The following UBQLN1 variants were observed in gnomAD, a reference collection of about 807,000 sequenced individuals.
UBQLN1 encodes ubiquilin 1, also known as ubiquilin-1.
UBQLN1 carries 13 observed loss-of-function variants against 65.4 expected under a neutral mutation model. The ratio of observed to expected loss-of-function variants is 0.20; its 90% CI spans 0.13 to 0.32. The LOEUF (loss-of-function observed/expected upper bound fraction) is 0.32. Ranked by LOEUF, UBQLN1 falls within the 10% of genes least tolerant of loss-of-function variation. The pLI is 1.00. For synonymous variants in UBQLN1, 267 were observed against 247.8 expected, an observed-to-expected ratio of 1.08 and a Z score of -0.73; for missense variants, 561 against 724.0, an observed-to-expected ratio of 0.77 and a Z score of 2.58.
intron 6 of UBQLN1, among the ~76,000 whole-genome samples, chr9:83,671,672 T>C (rs1831734233): frequency 6.6e-6 from 1 of 151,798 alleles, no homozygotes; most frequent in African/African-American, 2.4e-5. Flanking sequence ...CTTTTTTTCT[T>C]TTTTTCTTTT....
At chr9:83,666,589 C>G in intron 7 of UBQLN1, 156 bp from the exon 8 acceptor site, 1 of 595,196 alleles carries the variant, frequency 1.7e-6, no homozygotes, top group Non-Finnish European at 2.9e-6. Flanking sequence ...ATACTGTCCA[C>G]AAGAGGGATC....
chr9:83,663,655 T>C (rs1831598040), intron 10 of UBQLN1, among the ~76,000 whole-genome samples: 1 of 152,224 alleles, frequency 6.6e-6, no homozygotes, highest in South Asian at 2.1e-4. Context: ...GCATGTCTTC[T>C]CTACAACCGT....
chr9:83,664,341 C>T lies in UBQLN1; in HGVS notation c.1449-298G>A, dbSNP rs377434862. On this transcript the variant is annotated intron_variant, in intron 9 of 10. Coordinates refer to ENST00000376395, the MANE Select transcript of UBQLN1 (RefSeq NM_013438.5). ...GGCTGAGGTAAGAGGATTGCTTTAG[C>T]CCAGGAGGTAGAGGCTGAAGTGAGC... Among the ~76,000 whole-genome samples, 7 of 152,198 alleles carry T rather than the reference C, an allele frequency of 4.6e-5. No individual in the cohort carries two copies. The South Asian group carries it at 1.5e-3, about 32-fold the overall frequency.
At chr9:83,705,032 G>A (rs1230375516) in intron 1 of UBQLN1, among the ~76,000 whole-genome samples, 1 of 152,090 alleles carries the variant, frequency 6.6e-6, no homozygotes, top group Admixed American at 6.6e-5. Flanking sequence ...CCAGGATGGT[G>A]GAGGCATGAA....
intron 4 of UBQLN1, 123 bp downstream of exon 4, chr9:83,679,651 AC>A (rs1173648277): frequency 9.2e-7 from 1 of 1,082,520 alleles, no homozygotes; most frequent in Non-Finnish European, 1.3e-6. Flanking sequence ...GTTTTCTTAA[AC>A]CAAGATAAGG....
At chr9:83,667,359 A>G (rs1343434756) in intron 7 of UBQLN1, 1 of 304,540 alleles carries the variant, frequency 3.3e-6, no homozygotes, top group Non-Finnish European at 4.8e-6. Context: ...TATCTATCCA[A>G]AGTCTGGGGA....
chr9:83,707,668 A>G lies in UBQLN1; in HGVS notation c.12T>C (p.Ser4=), dbSNP rs757234071. The change falls in exon 1 of 11, where the codon AGT becomes AGC. Residue 4 remains serine, a synonymous_variant. Coordinates refer to ENST00000376395, the MANE Select transcript of UBQLN1 (RefSeq NM_013438.5). MAE[S]GESGGPPGSQ... Reference sequence around the variant, plus strand: ...AGCCCGGAGGACCGCCGCTTTCACCACTCTCGGCCATGGCTGTGGCGGCGG... The same window carrying G: ...AGCCCGGAGGACCGCCGCTTTCACCGCTCTCGGCCATGGCTGTGGCGGCGG... The G allele has an allele frequency of 1.3e-6, 2 of 1,548,964 alleles. No homozygotes were observed. The highest frequency in any genetic ancestry group is 1.2e-5 in the South Asian group (1 of 85,070).
At position 83,683,414 on chromosome 9, in the gene UBQLN1, C is replaced by CAAAA. The variant is rs766459859; in HGVS notation, c.333-352_333-349dup. Among the ~76,000 whole-genome samples, 49 of 70,854 alleles carry CAAAA rather than the reference C, an allele frequency of 6.9e-4. 1 individual carries two copies. Among genetic ancestry groups the CAAAA allele is most frequent in the Admixed American group, 2.5e-3 (15 of 6,076 alleles). 46.5% of individuals were successfully genotyped at this position (70,854 alleles called of 152,430 possible). A position where few individuals can be genotyped will look rare whatever the true frequency, so the allele number is the denominator to read the frequency against. Reference sequence around the variant, plus strand: ...TGGGCAACAGAGCGAGACTCCGTCTCAAAAAAAAAAAAAAAAAAAAAAGAA... The same window carrying CAAAA: ...TGGGCAACAGAGCGAGACTCCGTCTCAAAAAAAAAAAAAAAAAAAAAAAAAAGAA... On this transcript the variant is annotated intron_variant, in intron 2 of 10. Transcript: ENST00000376395.
rs142002440 is a variant in UBQLN1, at chr9:83,688,861, C to CAA, written c.181-2708_181-2707dup. On this transcript the variant is annotated intron_variant, in intron 1 of 10. Transcript: ENST00000376395. ...GGGCGATGAGAGCGAAACTCCGTTT[C>CAA]AAAAAAAAAAAAAGACATGCATCTA... Among the ~76,000 whole-genome samples, 94 of 130,708 alleles carry CAA rather than the reference C, an allele frequency of 7.2e-4. 2 individuals are homozygous for CAA. In the East Asian group the frequency reaches 0.01, roughly 15 times the overall value. 85.7% of individuals were successfully genotyped at this position (130,708 alleles called of 152,430 possible).
intron 1 of UBQLN1, among the ~76,000 whole-genome samples, chr9:83,689,300 T>G (rs2131173679): frequency 6.6e-6 from 1 of 152,350 alleles, no homozygotes; most frequent in African/African-American, 2.4e-5. Flanking sequence ...TACCACCTAT[T>G]TTGCTTATCC....
At chr9:83,674,902 T>G (rs1412817314) in intron 6 of UBQLN1, among the ~76,000 whole-genome samples, 2 of 152,358 alleles carry the variant, frequency 1.3e-5, no homozygotes, top group East Asian at 3.9e-4. Context: ...TGCTAAGATG[T>G]GCTACATCTC....
At chr9:83,701,185 TA>T (rs1832304073) in intron 1 of UBQLN1, among the ~76,000 whole-genome samples, 1 of 152,128 alleles carries the variant, frequency 6.6e-6, no homozygotes, top group African/African-American at 2.4e-5. Context: ...TAAAACTGAA[TA>T]ACCTTTAAAA....
chr9:83,664,904 G>A (rs968485168), intron 9 of UBQLN1, 126 bp downstream of exon 9: 22 of 635,316 alleles, frequency 3.5e-5, no homozygotes, highest in Admixed American at 7.9e-5. Flanking sequence ...TAGGCGAAGG[G>A]CGAGACCCTG....
chr9:83,662,182 G>A (rs1423850916), intron 10 of UBQLN1, among the ~76,000 whole-genome samples: 2 of 151,764 alleles, frequency 1.3e-5, no homozygotes, highest in East Asian at 3.9e-4. Flanking sequence ...TAGGGGAGGG[G>A]GAGAAAAGCT....
chr9:83,669,421 CCAAGTACAA>C (rs2131146811), intron 6 of UBQLN1, 94 bp from the exon 7 acceptor site: 1 of 1,189,806 alleles, frequency 8.4e-7, no homozygotes, highest in Admixed American at 3.2e-5. Flanking sequence ...TTTAATTTCA[CCAAGTACAA>C]ATGATTATAC....
rs886103634 is a variant in UBQLN1, at chr9:83,666,549, A to G, written c.1249-116T>C. 37 of 913,794 alleles carry G rather than the reference A, an allele frequency of 4.0e-5. No homozygotes were observed. The African/African-American group carries it at 5.4e-4, about 13-fold the overall frequency. 56.6% of individuals were successfully genotyped at this position (913,794 alleles called of 1,614,324 possible). On this transcript the variant is annotated intron_variant, in intron 7 of 10. Coordinates refer to ENST00000376395, the MANE Select transcript of UBQLN1 (RefSeq NM_013438.5). ...GCTGGCACTTAAAAGGGAGGAAGGT[A>G]GAACATAAATAAAAAAAGGAAAAGG...
chr9:83,689,838 A>C (rs1832097039), intron 1 of UBQLN1, among the ~76,000 whole-genome samples: 1 of 152,188 alleles, frequency 6.6e-6, no homozygotes, highest in Non-Finnish European at 1.5e-5. Flanking sequence ...AAGAAACACA[A>C]CCCAATTGAA....
intron 1 of UBQLN1, among the ~76,000 whole-genome samples, chr9:83,691,194 AAT>A (rs1832122719): frequency 7.8e-6 from 1 of 128,014 alleles, no homozygotes. Context: ...ATACACATAT[AAT>A]ACATATATAT....
At chr9:83,692,583 T>A (rs1832146366) in intron 1 of UBQLN1, among the ~76,000 whole-genome samples, 1 of 152,242 alleles carries the variant, frequency 6.6e-6, no homozygotes, top group Non-Finnish European at 1.5e-5. Context: ...CCAGGCGCAG[T>A]GGCTCACATC....
Sources: allele counts gnomAD v4.1 joint callset (sites outside exome capture counted in the v4.1 genomes callset), GRCh38; gene constraint gnomAD v4.1.1; transcripts MANE v1.5; gene names NCBI Gene and HGNC (gene_info 2026-07-23, HGNC 2026-07-21).